PANK4: variants seen among roughly 807,000 people sequenced by gnomAD.
PANK4 encodes the protein pantothenate kinase 4 (inactive).
In PANK4, 40 loss-of-function variants were observed where a neutral mutation model predicts 87.9. The ratio of observed to expected loss-of-function variants is 0.46; its 90% CI spans 0.35 to 0.59. PANK4 has a LOEUF of 0.59. Ranked by LOEUF, PANK4 falls within the 20% of genes least tolerant of loss-of-function variation. The probability of loss-of-function intolerance (pLI) is 0.00; values close to 1 mark genes in which losing one functional copy is unlikely to be tolerated. For missense variants in PANK4, 926 were observed against 1,072.3 expected, an observed-to-expected ratio of 0.86 and a Z score of 1.90; for synonymous variants, 524 against 467.4, an observed-to-expected ratio of 1.12 and a Z score of -1.56.
At position 2,512,920 on chromosome 1, in the gene PANK4, A is replaced by G; in HGVS notation, c.1695T>C (p.Asn565=). The change falls in exon 13 of 19, where the codon AAT becomes AAC. Residue 565 remains asparagine (N), a synonymous_variant. Coordinates refer to ENST00000378466, the MANE Select transcript of PANK4 (RefSeq NM_018216.4). ...LALVKGLLAG[N]VFDWGAKAVS... ...CGGCTTTGGCCCCCCAGTCGAAGAC[A>G]TTCCCCGCCAGGAGGCCTTTCACCA... is the stretch of plus-strand genomic sequence containing the variant. 2 of 1,612,782 alleles carry G rather than the reference A, an allele frequency of 1.2e-6. No individual in the cohort carries two copies. The highest frequency in any genetic ancestry group is 8.5e-7 in the Non-Finnish European group (1 of 1,179,870).
chr1:2,519,233 G>A lies in PANK4; in HGVS notation c.945C>T (p.Ser315=). ...AGCCTCCAAAGTACACGCGGTCCAG[G>A]CTGTGCAGCCGTGCGTGGAGGCAGG... ...QLACLHARLH[S]LDRVYFGGFF... is the part of the protein sequence containing the mutation. The change falls in exon 7 of 19, where the codon AGC becomes AGT. Residue 315 remains serine (S), a synonymous_variant. Coordinates refer to ENST00000378466, the MANE Select transcript of PANK4 (RefSeq NM_018216.4). This position sits in a 1 kb window ranked among gnomAD's most constrained non-coding sequence, Gnocchi z 8.3. 1 of 1,612,806 alleles carries A rather than the reference G, an allele frequency of 6.2e-7. No individual in the cohort carries two copies. The highest frequency in any genetic ancestry group is 8.5e-7 in the Non-Finnish European group (1 of 1,179,868).
chr1:2,513,857 C>T, intron 12 of PANK4, 145 bp downstream of exon 12: 1 of 724,376 alleles, frequency 1.4e-6, no homozygotes. Flanking sequence ...TATTGTGGTG[C>T]CAGGGCTGGA....
rs751669491 is a variant in PANK4, at chr1:2,519,384, C to T, written c.854-60G>A. On this transcript the variant is annotated intron_variant, in intron 6 of 18. Coordinates refer to ENST00000378466, the MANE Select transcript of PANK4 (RefSeq NM_018216.4). The surrounding 1 kb of genome is among the most constrained non-coding windows in gnomAD (Gnocchi z 8.3). ...GTACAGCAAGTGCACGACATGAGAG[C>T]GAGCAGGAGGGGAGGGGGAGAGAGA... 31 of 1,109,204 alleles carry T rather than the reference C, an allele frequency of 2.8e-5. No individual in the cohort carries two copies. Among genetic ancestry groups the T allele is most frequent in the South Asian group, 3.6e-5 (2 of 56,140 alleles). The allele number at this position is 1,109,204 out of a possible 1,614,324, so 68.7% of individuals were successfully genotyped here.
chr1:2,521,398 G>A, intron 2 of PANK4, 83 bp from the exon 3 acceptor site: 2 of 1,098,600 alleles, frequency 1.8e-6, no homozygotes, highest in Admixed American at 1.7e-5. Context: ...TAGTGGAGCT[G>A]GCTGTTCGCG....
In PANK4 at chr1:2,510,609, A is replaced by G. The variant is rs1180281132; in HGVS notation, c.1938+69T>C. On this transcript the variant is annotated intron_variant, in intron 16 of 18. Coordinates refer to ENST00000378466, the MANE Select transcript of PANK4 (RefSeq NM_018216.4). This position sits in a 1 kb window ranked among gnomAD's most constrained non-coding sequence, Gnocchi z 4.9. ...GCCCCGACCACCGCCAGAGGCCCAC[A>G]GCGGCGCCAACCCCACCGAGAGCAG... is the stretch of plus-strand genomic sequence containing the variant. 8.7e-6 allele frequency: 8 copies of G among 920,526 alleles called. No homozygotes were observed. The highest frequency in any genetic ancestry group is 2.0e-5 in the Admixed American group (1 of 50,868). 57.0% of individuals were successfully genotyped at this position (920,526 alleles called of 1,614,324 possible). A position where few individuals can be genotyped will look rare whatever the true frequency, so the allele number is the denominator to read the frequency against.
chr1:2,521,728 T>A lies in PANK4; in HGVS notation c.197A>T (p.His66Leu). 6.2e-7 allele frequency: 1 copy of A among 1,613,712 alleles called. No homozygotes were observed. The highest frequency in any genetic ancestry group is 1.1e-5 in the South Asian group (1 of 91,072). The change falls in exon 2 of 19, where the codon CAC (histidine) becomes CTC (leucine). Residue 66 changes from histidine to leucine, a missense_variant. Coordinates refer to ENST00000378466, the MANE Select transcript of PANK4 (RefSeq NM_018216.4). ...ACAGTGCAGGCTCACCTTTCCGGAG[T>A]GGTCGAAAGACCGCACCTTGGCGAC... ...HKVAKVRSFD[H>L]SGKDTEREHE...
chr1:2,523,794 A>G (rs1441409387), intron 1 of PANK4, among the ~76,000 whole-genome samples: 1 of 152,222 alleles, frequency 6.6e-6, no homozygotes, highest in Non-Finnish European at 1.5e-5. Context: ...TTCCGGGCTG[A>G]GCTCAGGGAC....
chr1:2,513,587 C>T (rs1163706149), intron 12 of PANK4, among the ~76,000 whole-genome samples: 1 of 152,110 alleles, frequency 6.6e-6, no homozygotes, highest in African/African-American at 2.4e-5. Flanking sequence ...GTCCAGCCTC[C>T]TAGGAGGGAG....
chr1:2,510,075 C>G lies in PANK4; in HGVS notation c.2021G>C (p.Gly674Ala). The change falls in exon 17 of 19, where the codon GGC becomes GCC. Residue 674 changes from glycine to alanine, a missense_variant. Transcript: ENST00000378466. This position sits in a 1 kb window ranked among gnomAD's most constrained non-coding sequence, Gnocchi z 4.9. ...ESLIVAERIA[G>A]MDPVVHSALQ... Reference sequence around the variant, plus strand: ...CACTCACTGCACGACAGGGTCCATGCCCGCAATACGCTCTGCCACGATGAG... The same window carrying G: ...CACTCACTGCACGACAGGGTCCATGGCCGCAATACGCTCTGCCACGATGAG... 1 of 1,610,022 alleles carries G rather than the reference C, an allele frequency of 6.2e-7. No homozygotes were observed. Among genetic ancestry groups the G allele is most frequent in the Non-Finnish European group, 8.5e-7 (1 of 1,178,538 alleles).
intron 1 of PANK4, among the ~76,000 whole-genome samples, chr1:2,525,234 T>C (rs1272680447): frequency 6.6e-6 from 1 of 152,136 alleles, no homozygotes; most frequent in East Asian, 1.9e-4. Context: ...GGGAATGGCC[T>C]GGGTCTCTCT....
intron 7 of PANK4, 90 bp from the exon 8 acceptor site, chr1:2,518,687 C>A (rs2494589): frequency 8.1e-6 from 9 of 1,115,948 alleles, no homozygotes; most frequent in Non-Finnish European, 9.3e-6. Context: ...GGCCTCGCAC[C>A]GCGCGGCCCA....
rs1391139246 is a variant in PANK4 at position 2,510,029 on chromosome 1, C to T, written c.2039+28G>A. The T allele has an allele frequency of 4.4e-6, 7 of 1,582,422 alleles. No individual in the cohort carries two copies. The highest frequency in any genetic ancestry group is 4.0e-5 in the African/African-American group (3 of 74,270). Reference sequence around the variant, plus strand: ...AGCTGGTGCCCCTCCCCATCAAGGCCCCCCCAGCACTGCCCGCCAACACTC... The same window carrying T: ...AGCTGGTGCCCCTCCCCATCAAGGCTCCCCCAGCACTGCCCGCCAACACTC... On this transcript the variant is annotated intron_variant, in intron 17 of 18. Transcript: ENST00000378466. The surrounding 1 kb of genome is among the most constrained non-coding windows in gnomAD (Gnocchi z 4.9).
At position 2,515,709 on chromosome 1, in the gene PANK4, C is replaced by T. The variant is rs766314038; in HGVS notation, c.1227G>A (p.Leu409=). The T allele has an allele frequency of 6.2e-7, 1 of 1,612,886 alleles. No individual in the cohort carries two copies. The highest frequency in any genetic ancestry group is 1.1e-5 in the South Asian group (1 of 91,074). ...AQRARSGTFD[L]LEMDRLERPL... is the part of the protein sequence containing the mutation. ...GCCTCTCCAGCCGGTCCATTTCCAG[C>T]AAGTCAAACTGGAAGACAGGCAGTG... is the stretch of plus-strand genomic sequence containing the variant. The change falls in exon 10 of 19, where the codon TTG becomes TTA. Residue 409 remains leucine (L), a synonymous_variant. Coordinates refer to ENST00000378466, the MANE Select transcript of PANK4 (RefSeq NM_018216.4). The surrounding 1 kb of genome is among the most constrained non-coding windows in gnomAD (Gnocchi z 5.0).
At position 2,521,733 on chromosome 1, in the gene PANK4, G is replaced by A. The variant is rs776663713; in HGVS notation, c.192C>T (p.Phe64=). 1.3e-4 allele frequency: 207 copies of A among 1,613,752 alleles called. No homozygotes were observed. The highest frequency in any genetic ancestry group is 1.6e-4 in the Non-Finnish European group (184 of 1,179,916). The change falls in exon 2 of 19, where the codon TTC becomes TTT. Residue 64 remains phenylalanine, a synonymous_variant. Coordinates refer to ENST00000378466, the MANE Select transcript of PANK4 (RefSeq NM_018216.4). ...GCAGGCTCACCTTTCCGGAGTGGTCGAAAGACCGCACCTTGGCGACTTTGT... is the reference window on the plus strand; with the variant it reads ...GCAGGCTCACCTTTCCGGAGTGGTCAAAAGACCGCACCTTGGCGACTTTGT... ...VQHKVAKVRS[F]DHSGKDTERE... is the part of the protein sequence containing the mutation.
chr1:2,511,742 T>G (rs1557437295), intron 13 of PANK4, 59 bp from the exon 14 acceptor site: 1 of 1,044,526 alleles, frequency 9.6e-7, no homozygotes, highest in Non-Finnish European at 1.5e-6. Flanking sequence ...TCAGCCACAG[T>G]GCTCAATGTG....
rs779490735 is a variant in PANK4, at chr1:2,508,907, G to T, written c.2262C>A (p.Ala754=). 2 of 1,609,876 alleles carry T rather than the reference G, an allele frequency of 1.2e-6. No individual in the cohort carries two copies. The highest frequency in any genetic ancestry group is 2.7e-5 in the African/African-American group (2 of 74,950). The change falls in exon 19 of 19, where the codon GCC becomes GCA. Residue 754 remains alanine, a synonymous_variant. Transcript: ENST00000378466. This position sits in a 1 kb window ranked among gnomAD's most constrained non-coding sequence, Gnocchi z 5.1. ...KLAVIKNAWL[A]ERLGGRLFSV... Reference sequence around the variant, plus strand: ...TGAAGAGCCGGCCGCCCAGCCGCTCGGCCAGCCACGCGTTCTTGATGACGG... The same window carrying T: ...TGAAGAGCCGGCCGCCCAGCCGCTCTGCCAGCCACGCGTTCTTGATGACGG...
chr1:2,514,511 T>C (rs949521395), intron 10 of PANK4, 45 bp from the exon 11 acceptor site: 4 of 1,256,924 alleles, frequency 3.2e-6, no homozygotes, highest in Admixed American at 3.8e-5. Flanking sequence ...CTGGCCCTGC[T>C]GCTTGCGAAT....
chr1:2,510,281 A>T lies in PANK4; in HGVS notation c.1939-124T>A. On this transcript the variant is annotated intron_variant, in intron 16 of 18. Coordinates refer to ENST00000378466, the MANE Select transcript of PANK4 (RefSeq NM_018216.4). The surrounding 1 kb of genome is among the most constrained non-coding windows in gnomAD (Gnocchi z 4.9). The stretch of plus-strand genomic sequence containing the variant: ...CTGTGCCCAGCGGGCCTGGCCAGCC[A>T]CCTGCTGCTGAGGAGCAGGGACCTC... 2.9e-6 allele frequency: 2 copies of T among 697,016 alleles called. No individual in the cohort carries two copies. The highest frequency in any genetic ancestry group is 5.2e-6 in the Non-Finnish European group (2 of 384,066). The allele number at this position is 697,016 out of a possible 1,614,324, so 43.2% of individuals were successfully genotyped here.
chr1:2,509,715 C>T lies in PANK4; in HGVS notation c.2108+147G>A. 2.9e-6 allele frequency: 2 copies of T among 691,526 alleles called. No individual in the cohort carries two copies. The highest frequency in any genetic ancestry group is 1.7e-5 in the South Asian group (1 of 57,586). 42.8% of individuals were successfully genotyped at this position (691,526 alleles called of 1,614,324 possible). A position where few individuals can be genotyped will look rare whatever the true frequency, so the allele number is the denominator to read the frequency against. On this transcript the variant is annotated intron_variant, in intron 18 of 18. Transcript: ENST00000378466. The surrounding 1 kb of genome is among the most constrained non-coding windows in gnomAD (Gnocchi z 4.9). ...ACCTTCGGGGATGGCATATCTGTCCCCTCCTGAGATCAATCCGGGCCTGGG... is the reference window on the plus strand; with the variant it reads ...ACCTTCGGGGATGGCATATCTGTCCTCTCCTGAGATCAATCCGGGCCTGGG...
Sources: allele counts gnomAD v4.1 joint callset (sites outside exome capture counted in the v4.1 genomes callset), GRCh38; gene constraint gnomAD v4.1.1; non-coding constraint Gnocchi (gnomAD v3.1); transcripts MANE v1.5; gene names NCBI Gene and HGNC (gene_info 2026-07-23, HGNC 2026-07-21).